The following CNIH3 variants were observed in gnomAD, a reference collection of about 807,000 sequenced individuals.
CNIH3 encodes cornichon family AMPA receptor auxiliary protein 3.
In CNIH3, 14 loss-of-function variants were observed where a neutral mutation model predicts 24.1. The ratio of observed to expected loss-of-function variants is 0.58; its 90% CI spans 0.38 to 0.91. The LOEUF (loss-of-function observed/expected upper bound fraction) is 0.91. Ranked by LOEUF, CNIH3 falls within the 40% of genes least tolerant of loss-of-function variation. CNIH3 has a pLI of 0.00. For synonymous variants in CNIH3, 68 were observed against 73.8 expected (o/e 0.92, Z 0.40); for missense variants, 178 against 196.8 (o/e 0.90, Z 0.57).
chr1:224,702,849 C>T (rs1242537678), intron 3 of CNIH3, among the ~76,000 whole-genome samples: 1 of 152,160 alleles, frequency 6.6e-6, no homozygotes, highest in Non-Finnish European at 1.5e-5. Context: ...CTTCCCTTCC[C>T]TCTCATTTCT....
At chr1:224,594,886 A>G (rs920428046) in intron 3 of CNIH3, among the ~76,000 whole-genome samples, 1 of 152,210 alleles carries the variant, frequency 6.6e-6, no homozygotes, top group Non-Finnish European at 1.5e-5. Context: ...ATATACTGAA[A>G]ATAAAAATAT....
Position 224,704,416 on chromosome 1 carries a change from C to T in CNIH3, c.198+19573C>T, listed in dbSNP as rs1687668568. 6.6e-6 allele frequency among the ~76,000 whole-genome samples: 1 copy of T among 152,094 alleles called. No homozygotes were observed. Among genetic ancestry groups the T allele is most frequent in the Non-Finnish European group, 1.5e-5 (1 of 68,004 alleles). On this transcript the variant is annotated intron_variant, in intron 3 of 5. Coordinates refer to ENST00000272133, the MANE Select transcript of CNIH3 (RefSeq NM_152495.2). This position sits in a 1 kb window ranked among gnomAD's most constrained non-coding sequence, Gnocchi z 4.2. ...GAATCCCCTGGGGAGCTTTTAAAAC[C>T]CAGGGATCCAGAGGCAGGGAGCCAT...
chr1:224,554,614 T>A (rs1351602742), intron 3 of CNIH3, among the ~76,000 whole-genome samples: 1 of 152,076 alleles, frequency 6.6e-6, no homozygotes, highest in Non-Finnish European at 1.5e-5. Flanking sequence ...GTCAGGGTCT[T>A]GTTCTGTCAC....
chr1:224,477,648 G>C (rs1192201188), intron 1 of CNIH3, among the ~76,000 whole-genome samples: 1 of 152,074 alleles, frequency 6.6e-6, no homozygotes, highest in African/African-American at 2.4e-5. Flanking sequence ...TATTTTTGTT[G>C]ATCAGTTCAT....
chr1:224,495,673 G>A (rs1305279771), intron 1 of CNIH3, among the ~76,000 whole-genome samples: 1 of 152,194 alleles, frequency 6.6e-6, no homozygotes, highest in Non-Finnish European at 1.5e-5. Context: ...AGGAAGTGAT[G>A]CTGAGCTGAG....
intron 1 of CNIH3, among the ~76,000 whole-genome samples, chr1:224,625,495 G>A (rs961306056): frequency 6.6e-6 from 1 of 152,228 alleles, no homozygotes; most frequent in South Asian, 2.1e-4. Context: ...GACAGAGCTG[G>A]CAGTGAGCTG....
chr1:224,595,410 A>T (rs138373835), intron 3 of CNIH3, among the ~76,000 whole-genome samples: 3 of 152,316 alleles, frequency 2.0e-5, no homozygotes, highest in Non-Finnish European at 4.4e-5. Flanking sequence ...TGTGCCTAAG[A>T]TGGCAAAGTT....
At chr1:224,623,947 A>G (rs1401636554) in intron 1 of CNIH3, among the ~76,000 whole-genome samples, 1 of 152,186 alleles carries the variant, frequency 6.6e-6, no homozygotes, top group African/African-American at 2.4e-5. Flanking sequence ...CTTCCCTTGC[A>G]GAGTGGTTTT....
chr1:224,632,633 G>A (rs1432725530), intron 1 of CNIH3, among the ~76,000 whole-genome samples: 1 of 151,848 alleles, frequency 6.6e-6, no homozygotes, highest in East Asian at 1.9e-4. Context: ...GAGGAGAGGT[G>A]GGCTCCCAGA....
chr1:224,595,606 A>G (rs1192362116), intron 3 of CNIH3, among the ~76,000 whole-genome samples: 1 of 152,240 alleles, frequency 6.6e-6, no homozygotes, highest in African/African-American at 2.4e-5. Flanking sequence ...ATTTTAAATC[A>G]AAAGCTGGAA....
intron 1 of CNIH3, among the ~76,000 whole-genome samples, chr1:224,464,481 C>T (rs1318386285): frequency 1.3e-5 from 2 of 152,132 alleles, no homozygotes; most frequent in African/African-American, 2.4e-5. Flanking sequence ...TGGCTTTAAG[C>T]TAATTTTTAT....
chr1:224,498,742 C>T (rs993607525), intron 1 of CNIH3, among the ~76,000 whole-genome samples: 3 of 152,228 alleles, frequency 2.0e-5, no homozygotes, highest in Non-Finnish European at 4.4e-5. Flanking sequence ...GGTTACCATG[C>T]GCTGCTTCAG....
At chr1:224,528,434 C>T (rs1678930301) in intron 2 of CNIH3, among the ~76,000 whole-genome samples, 1 of 152,112 alleles carries the variant, frequency 6.6e-6, no homozygotes, top group African/African-American at 2.4e-5. Context: ...GATCCTGCTC[C>T]CTTAGCCACC....
chr1:224,444,640 G>A (rs1374724672), intron 1 of CNIH3, among the ~76,000 whole-genome samples: 2 of 151,344 alleles, frequency 1.3e-5, no homozygotes, highest in African/African-American at 2.4e-5. Flanking sequence ...GAGCCACCGC[G>A]CCCTGCTGGT....
downstream of CNIH3, among the ~76,000 whole-genome samples, chr1:224,540,955 C>G (rs953633019): frequency 6.6e-6 from 1 of 152,066 alleles, no homozygotes; most frequent in Non-Finnish European, 1.5e-5. Flanking sequence ...GAAGATAGAA[C>G]GCATTTTCTT....
In CNIH3 at chr1:224,703,935, G is replaced by A. The variant is rs1054814845; in HGVS notation, c.198+19092G>A. ...CTGCAGGCCTCCCACCTCAGCCTAC[G>A]ACGTATTCCAACTCAAAGGGAGCAA... On this transcript the variant is annotated intron_variant, in intron 3 of 5. Coordinates refer to ENST00000272133, the MANE Select transcript of CNIH3 (RefSeq NM_152495.2). This position sits in a 1 kb window ranked among gnomAD's most constrained non-coding sequence, Gnocchi z 4.2. 3.9e-5 allele frequency among the ~76,000 whole-genome samples: 6 copies of A among 152,148 alleles called. No individual in the cohort carries two copies. Among genetic ancestry groups the A allele is most frequent in the African/African-American group, 1.2e-4 (5 of 41,434 alleles).
intron 1 of CNIH3, among the ~76,000 whole-genome samples, chr1:224,674,116 T>C (rs1198123227): frequency 6.6e-6 from 1 of 152,120 alleles, no homozygotes. Context: ...CTCAACCATT[T>C]AAGAGCCTTC....
chr1:224,440,371 A>G (rs1353312763), intron 1 of CNIH3, among the ~76,000 whole-genome samples: 1 of 152,164 alleles, frequency 6.6e-6, no homozygotes, highest in Non-Finnish European at 1.5e-5. Context: ...CTGGAACTAC[A>G]GGTGCACACC....
At chr1:224,637,047 G>T (rs986515601) in intron 1 of CNIH3, among the ~76,000 whole-genome samples, 16 of 151,688 alleles carry the variant, frequency 1.1e-4, no homozygotes, top group Non-Finnish European at 1.8e-4. Context: ...CGCCTCCCGG[G>T]TTCAAGCGAT....
Sources: gnomAD v4.1 joint callset for allele counts (sites outside exome capture counted in the v4.1 genomes callset) on GRCh38, gnomAD v4.1.1 for gene constraint, Gnocchi (gnomAD v3.1) non-coding constraint, MANE v1.5 for transcripts, NCBI Gene and HGNC (gene_info 2026-07-23, HGNC 2026-07-21) for gene names.